CPEB3: variants seen among roughly 807,000 people sequenced by gnomAD.
CPEB3 encodes the protein cytoplasmic polyadenylation element binding protein 3, also known as cytoplasmic polyadenylation element-binding protein 3.
CPEB3 carries 20 observed loss-of-function variants against 67.2 expected under a neutral mutation model. The observed-to-expected ratio is 0.30, with a 90% CI of 0.21 to 0.43. The LOEUF (loss-of-function observed/expected upper bound fraction) is 0.43. CPEB3 is among the 20% of genes least tolerant of loss of function. The pLI, the probability that CPEB3 is intolerant of heterozygous loss-of-function variation, is 1.00. For missense variants in CPEB3, 746 were observed against 968.6 expected (o/e 0.77, Z 3.05); for synonymous variants, 376 against 393.1 (o/e 0.96, Z 0.51).
intron 1 of CPEB3, among the ~76,000 whole-genome samples, chr10:92,259,062 A>AGGTGG (rs1428127152): frequency 6.6e-6 from 1 of 151,788 alleles, no homozygotes; most frequent in East Asian, 2.0e-4. Context: ...TCCCGGGTTC[A>AGGTGG]AGCAATTCTC....
At chr10:92,229,048 G>C (rs1442627167) in intron 2 of CPEB3, among the ~76,000 whole-genome samples, 1 of 151,568 alleles carries the variant, frequency 6.6e-6, no homozygotes, top group Non-Finnish European at 1.5e-5. Context: ...TTTAGAGACA[G>C]GGTCTCACTC....
chr10:92,076,841 AAGAG>A (rs201295510), intron 9 of CPEB3, among the ~76,000 whole-genome samples: 1,815 of 140,060 alleles, frequency 0.013, 118 homozygotes, highest in Admixed American at 0.12. Context: ...GGAGGAAAGA[AAGAG>A]AGAGAAGAAA....
At chr10:92,129,286 T>A (rs1164141086) in intron 6 of CPEB3, among the ~76,000 whole-genome samples, 1 of 152,032 alleles carries the variant, frequency 6.6e-6, no homozygotes, top group East Asian at 1.9e-4. Context: ...AGCTAAATGA[T>A]GAGAACACAT....
chr10:92,270,187 A>T (rs1374476566), intron 1 of CPEB3, among the ~76,000 whole-genome samples: 2 of 152,218 alleles, frequency 1.3e-5, no homozygotes, highest in Non-Finnish European at 2.9e-5. Context: ...CAAGTGAATA[A>T]GAGAGACTTC....
intron 1 of CPEB3, among the ~76,000 whole-genome samples, chr10:92,252,446 A>G (rs1852340529): frequency 6.6e-6 from 1 of 152,226 alleles, no homozygotes; most frequent in Admixed American, 6.5e-5. Flanking sequence ...CTCTAGCTAT[A>G]CACCCAATAG....
At chr10:92,238,627 A>G (rs568877578) in intron 2 of CPEB3, among the ~76,000 whole-genome samples, 99 of 18,120 alleles carry the variant, frequency 5.5e-3, no homozygotes, top group Admixed American at 0.036. Flanking sequence ...CTTACCTCCG[A>G]AAAAAAAAAA....
At chr10:92,257,988 C>T (rs2134856201) in intron 1 of CPEB3, among the ~76,000 whole-genome samples, 1 of 152,180 alleles carries the variant, frequency 6.6e-6, no homozygotes, top group African/African-American at 2.4e-5. Flanking sequence ...CCTCAGCCTA[C>T]CAAAGTGCTG....
At chr10:92,280,467 T>C (rs948470000) in intron 1 of CPEB3, among the ~76,000 whole-genome samples, 1 of 147,222 alleles carries the variant, frequency 6.8e-6, no homozygotes, top group Non-Finnish European at 1.5e-5. Flanking sequence ...ATGCCTATAA[T>C]CCCAATACTT....
chr10:92,096,033 A>AT lies in CPEB3; in HGVS notation c.1573-4090dup, dbSNP rs11335065. 2.3e-4 allele frequency among the ~76,000 whole-genome samples: 24 copies of AT among 102,562 alleles called. 2 individuals are homozygous for AT. Among genetic ancestry groups the AT allele is most frequent in the South Asian group, 7.5e-4 (2 of 2,656 alleles). 67.3% of individuals were successfully genotyped at this position (102,562 alleles called of 152,430 possible). Reference sequence around the variant, plus strand: ...TAGAGTGTGCCACCACACCTGGCTGATTTTTTTTTTTTTTTTTTTTTTTAG... The same window carrying AT: ...TAGAGTGTGCCACCACACCTGGCTGATTTTTTTTTTTTTTTTTTTTTTTTAG... On this transcript the variant is annotated intron_variant, in intron 7 of 9. Coordinates refer to ENST00000265997, the MANE Select transcript of CPEB3 (RefSeq NM_014912.5).
At chr10:92,234,894 C>T (rs1026045048) in intron 2 of CPEB3, among the ~76,000 whole-genome samples, 2 of 151,976 alleles carry the variant, frequency 1.3e-5, no homozygotes, top group Non-Finnish European at 2.9e-5. Flanking sequence ...CACTGCATTC[C>T]AATCTGGGCG....
At chr10:92,244,746 T>C (rs1851991566) in intron 1 of CPEB3, among the ~76,000 whole-genome samples, 1 of 152,162 alleles carries the variant, frequency 6.6e-6, no homozygotes, top group Admixed American at 6.5e-5. Context: ...CAAGTTTCTA[T>C]TAAAAACTGT....
intron 4 of CPEB3, among the ~76,000 whole-genome samples, chr10:92,172,144 A>T (rs1848032259): frequency 1.3e-5 from 2 of 152,184 alleles, no homozygotes; most frequent in African/African-American, 2.4e-5. Flanking sequence ...AAAAAATTTT[A>T]AAAATAAAAT....
intron 6 of CPEB3, among the ~76,000 whole-genome samples, chr10:92,139,899 C>T (rs1846312749): frequency 6.6e-6 from 1 of 151,918 alleles, no homozygotes; most frequent in Non-Finnish European, 1.5e-5. Context: ...ATGGTGAAAA[C>T]CTGTCTCTAC....
At chr10:92,207,727 G>A (rs1849860711) in intron 2 of CPEB3, among the ~76,000 whole-genome samples, 2 of 152,076 alleles carry the variant, frequency 1.3e-5, no homozygotes, top group Admixed American at 1.3e-4. Flanking sequence ...AACATTAGCT[G>A]GGTGTGGTGG....
At chr10:92,221,089 A>G (rs184482960) in intron 2 of CPEB3, among the ~76,000 whole-genome samples, 10 of 152,370 alleles carry the variant, frequency 6.6e-5, no homozygotes, top group African/African-American at 2.4e-4. Context: ...CAGAGTAGAA[A>G]TGTTCCCCTA....
intron 9 of CPEB3, among the ~76,000 whole-genome samples, chr10:92,071,514 G>A (rs1362299522): frequency 2.6e-5 from 4 of 151,938 alleles, no homozygotes; most frequent in Non-Finnish European, 4.4e-5. Context: ...GGTGGATCAC[G>A]AGGTCAGGAG....
At chr10:92,259,757 A>G (rs943011208) in intron 1 of CPEB3, among the ~76,000 whole-genome samples, 56 of 152,150 alleles carry the variant, frequency 3.7e-4, no homozygotes, top group African/African-American at 1.3e-3. Flanking sequence ...TTTCTTTCTC[A>G]GAGCCAGTAT....
intron 1 of CPEB3, among the ~76,000 whole-genome samples, chr10:92,253,227 C>T (rs1034767975): frequency 6.6e-5 from 10 of 151,626 alleles, no homozygotes; most frequent in Admixed American, 3.9e-4. Flanking sequence ...TTTGGGAGGC[C>T]GAGGCAGGCG....
At chr10:92,226,035 T>G (rs990726072) in intron 2 of CPEB3, among the ~76,000 whole-genome samples, 4 of 152,122 alleles carry the variant, frequency 2.6e-5, no homozygotes, top group African/African-American at 9.6e-5. Flanking sequence ...AGGCGGAGGT[T>G]GCAGTGAGCC....
Sources: gnomAD v4.1 joint callset for allele counts (sites outside exome capture counted in the v4.1 genomes callset) on GRCh38, gnomAD v4.1.1 for gene constraint, MANE v1.5 for transcripts, NCBI Gene and HGNC (gene_info 2026-07-23, HGNC 2026-07-21) for gene names.